PLCH1: variants seen among roughly 807,000 people sequenced by gnomAD.
PLCH1 encodes phospholipase C eta 1.
In PLCH1, 60 loss-of-function variants were observed where a neutral mutation model predicts 126.7. That is an observed-to-expected ratio of 0.47 (90% CI 0.38 to 0.59). The LOEUF (loss-of-function observed/expected upper bound fraction) is 0.59. Among genes scored for constraint, PLCH1 ranks in the 20% least tolerant of loss-of-function variants. The pLI, the probability that PLCH1 is intolerant of heterozygous loss-of-function variation, is 0.00. For missense variants in PLCH1, 1,723 were observed against 2,040.0 expected (o/e 0.84, Z 2.99); for synonymous variants, 719 against 734.9 (o/e 0.98, Z 0.35).
At chr3:155,671,576 C>T (rs1231527952) in intron 2 of PLCH1, among the ~76,000 whole-genome samples, 1 of 152,034 alleles carries the variant, frequency 6.6e-6, no homozygotes, top group Non-Finnish European at 1.5e-5. Flanking sequence ...AATAATTATA[C>T]TAAGAGAAGT....
In PLCH1 at chr3:155,513,088, C is replaced by T. The variant is rs561472315; in HGVS notation, c.1632+1635G>A. Among the ~76,000 whole-genome samples, 6 of 152,306 alleles carry T rather than the reference C, an allele frequency of 3.9e-5. No individual in the cohort carries two copies. In the South Asian group the frequency reaches 8.3e-4, roughly 21 times the overall value. On this transcript the variant is annotated intron_variant, in intron 12 of 22. Coordinates refer to ENST00000460012, the MANE Select transcript of PLCH1 (RefSeq NM_014996.4). ...AAACCAGTCCTGCACTGTTAATTGA[C>T]GGTCCAGAAAAGTAGAAGCTGGAGT... is the stretch of plus-strand genomic sequence containing the variant.
rs140252804 is a variant in PLCH1, at chr3:155,541,655, C to T, written c.1362+8132G>A. On this transcript the variant is annotated intron_variant, in intron 10 of 22. Coordinates refer to ENST00000460012, the MANE Select transcript of PLCH1 (RefSeq NM_014996.4). ...TTGCAATAGTAGCATTAAAGATCAC[C>T]GATCACAGATCACCACAACAGATAC... Among the ~76,000 whole-genome samples the T allele has an allele frequency of 3.8e-3, 577 of 152,074 alleles. 1 individual carries two copies. The highest frequency in any genetic ancestry group is 0.013 in the African/African-American group (554 of 41,494).
At chr3:155,518,632 T>C (rs575970049) in intron 11 of PLCH1, among the ~76,000 whole-genome samples, 1 of 152,280 alleles carries the variant, frequency 6.6e-6, no homozygotes, top group Non-Finnish European at 1.5e-5. Context: ...ACAATTTCAC[T>C]TAAGGTCAGA....
chr3:155,713,698 C>T (rs1234299159), intron 1 of PLCH1, among the ~76,000 whole-genome samples: 1 of 152,196 alleles, frequency 6.6e-6, no homozygotes, highest in Non-Finnish European at 1.5e-5. Flanking sequence ...AGAGCTGCAG[C>T]CCAATCCTGC....
chr3:155,544,685 G>A (rs1173272224), intron 10 of PLCH1, among the ~76,000 whole-genome samples: 6 of 152,106 alleles, frequency 3.9e-5, no homozygotes, highest in Admixed American at 2.0e-4. Context: ...ATAACAAACT[G>A]TCTCTCAGAC....
At position 155,583,149 on chromosome 3, in the gene PLCH1, AT is replaced by A. The variant is rs371938689; in HGVS notation, c.771+322del. On this transcript the variant is annotated intron_variant, in intron 6 of 22. Coordinates refer to ENST00000460012, the MANE Select transcript of PLCH1 (RefSeq NM_014996.4). ...ATATATAGTATAAATTTAAACTAATATTAATACATCATAGTATTAGTATAAA... is the reference window on the plus strand; with the variant it reads ...ATATATAGTATAAATTTAAACTAATATAATACATCATAGTATTAGTATAAA... 2.3e-3 allele frequency among the ~76,000 whole-genome samples: 340 copies of A among 150,594 alleles called. 1 individual carries two copies. Among genetic ancestry groups the A allele is most frequent in the African/African-American group, 7.8e-3 (321 of 41,304 alleles).
At chr3:155,496,818 A>G (rs1356407672) in intron 15 of PLCH1, among the ~76,000 whole-genome samples, 2 of 152,230 alleles carry the variant, frequency 1.3e-5, no homozygotes, top group African/African-American at 4.8e-5. Flanking sequence ...ACAGTGACGG[A>G]GAGAATGCTA....
At chr3:155,742,719 T>C (rs1472707612) in intron 1 of PLCH1, 2 of 152,236 alleles carry the variant, frequency 1.3e-5, no homozygotes, top group African/African-American at 4.8e-5. Context: ...GTTGGACTTA[T>C]TTTTAAACAT....
chr3:155,458,517 TAAGA>T (rs1413265727), intron 21 of PLCH1, among the ~76,000 whole-genome samples: 2 of 80,756 alleles, frequency 2.5e-5, no homozygotes, highest in Non-Finnish European at 5.8e-5. Flanking sequence ...GAGAGAGAAA[TAAGA>T]AAGAGAAAGA....
chr3:155,500,606 A>G, intron 14 of PLCH1, 97 bp downstream of exon 14: 1 of 744,332 alleles, frequency 1.3e-6, no homozygotes, highest in South Asian at 1.6e-5. Context: ...TTTCCTTGTG[A>G]TCCAATTCTC....
chr3:155,670,919 C>T (rs1471092718), intron 2 of PLCH1, among the ~76,000 whole-genome samples: 4 of 152,144 alleles, frequency 2.6e-5, no homozygotes, highest in South Asian at 2.1e-4. Flanking sequence ...TATTTGCAGG[C>T]CCATTTATTC....
At chr3:155,721,874 C>T (rs1390975736) in intron 1 of PLCH1, among the ~76,000 whole-genome samples, 2 of 152,014 alleles carry the variant, frequency 1.3e-5, no homozygotes, top group Non-Finnish European at 2.9e-5. Context: ...ATGGTGAAAC[C>T]TCATCTCTAC....
chr3:155,535,310 T>C (rs1007234434), intron 10 of PLCH1, among the ~76,000 whole-genome samples: 1 of 152,062 alleles, frequency 6.6e-6, no homozygotes, highest in African/African-American at 2.4e-5. Context: ...GAAGTGCAGA[T>C]AGGAGCACAG....
At chr3:155,722,788 T>C (rs568177633) in intron 1 of PLCH1, among the ~76,000 whole-genome samples, 8 of 152,312 alleles carry the variant, frequency 5.3e-5, no homozygotes, top group Middle Eastern at 3.4e-3. Flanking sequence ...TTTTCTTTTT[T>C]TGGTATGTCT....
rs145111959 is a variant in PLCH1, at chr3:155,702,801, C to T, written c.79+1345G>A. On this transcript the variant is annotated intron_variant, in intron 2 of 22. Coordinates refer to ENST00000460012, the MANE Select transcript of PLCH1 (RefSeq NM_014996.4). ...TTATCATATTTACTATTTTTTAATACGAATAAATTTGCAACAGAACAATAC... is the reference window on the plus strand; with the variant it reads ...TTATCATATTTACTATTTTTTAATATGAATAAATTTGCAACAGAACAATAC... Among the ~76,000 whole-genome samples, 495 of 152,110 alleles carry T rather than the reference C, an allele frequency of 3.3e-3. 2 individuals are homozygous for T. Among genetic ancestry groups the T allele is most frequent in the South Asian group, 0.021 (99 of 4,826 alleles).
intron 1 of PLCH1, among the ~76,000 whole-genome samples, chr3:155,726,022 G>A (rs138977094): frequency 3.2e-4 from 49 of 152,040 alleles, no homozygotes; most frequent in Admixed American, 1.2e-3. Context: ...TTTGCTTATC[G>A]AAGTCTCAAT....
rs140818800 is a variant in PLCH1, at chr3:155,690,472, C to G, written c.79+13674G>C. Among the ~76,000 whole-genome samples the G allele has an allele frequency of 4.7e-3, 711 of 152,262 alleles. 4 individuals are homozygous for G. Among genetic ancestry groups the G allele is most frequent in the African/African-American group, 0.016 (679 of 41,548 alleles). ...CAGAATCCCTTAATCAGAGGGCTCC[C>G]CTAGTCCTTGCTATTATAGATCAGG... On this transcript the variant is annotated intron_variant, in intron 2 of 22. Coordinates refer to ENST00000460012, the MANE Select transcript of PLCH1 (RefSeq NM_014996.4).
chr3:155,532,478 A>G (rs1471574554), intron 10 of PLCH1, among the ~76,000 whole-genome samples: 1 of 152,128 alleles, frequency 6.6e-6, no homozygotes, highest in Non-Finnish European at 1.5e-5. Context: ...CTCATCTTGA[A>G]CTGTAATCCC....
chr3:155,495,093 G>A (rs1716839645), intron 15 of PLCH1, among the ~76,000 whole-genome samples: 1 of 152,080 alleles, frequency 6.6e-6, no homozygotes, highest in African/African-American at 2.4e-5. Flanking sequence ...AAACCTATTT[G>A]GGAGAAAGGA....
Sources: allele counts gnomAD v4.1 joint callset (sites outside exome capture counted in the v4.1 genomes callset), GRCh38; gene constraint gnomAD v4.1.1; transcripts MANE v1.5; gene names NCBI Gene and HGNC (gene_info 2026-07-23, HGNC 2026-07-21).